The following DNAAF11 variants were observed in gnomAD, a reference collection of about 807,000 sequenced individuals.
DNAAF11 encodes dynein axonemal assembly factor 11, also known as leucine rich repeat containing 6.
DNAAF11 carries 45 observed loss-of-function variants against 60.8 expected under a neutral mutation model. The ratio of observed to expected loss-of-function variants is 0.74; its 90% CI spans 0.58 to 0.95. The LOEUF is 0.95. Ranked by LOEUF, DNAAF11 falls within the 40% of genes least tolerant of loss-of-function variation. The probability of loss-of-function intolerance (pLI) is 0.00; values close to 1 mark genes in which losing one functional copy is unlikely to be tolerated. For missense variants in DNAAF11, 546 were observed against 546.2 expected, an observed-to-expected ratio of 1.00 and a Z score of 0.00; for synonymous variants, 191 against 183.5, an observed-to-expected ratio of 1.04 and a Z score of -0.33.
chr8:132,615,005 T>C, intron 8 of DNAAF11, 33 bp downstream of exon 8: 2 of 1,401,650 alleles, frequency 1.4e-6, no homozygotes, highest in Non-Finnish European at 2.0e-6. Context: ...CAGACAGAAA[T>C]GTCATAAATA....
intron 11 of DNAAF11, among the ~76,000 whole-genome samples, chr8:132,572,742 C>T (rs1010628105): frequency 4.6e-5 from 7 of 151,248 alleles, no homozygotes; most frequent in African/African-American, 7.3e-5. Context: ...TTGGAGGAGA[C>T]GTCACCTGTG....
At chr8:132,573,639 A>G (rs1349085029) in intron 11 of DNAAF11, among the ~76,000 whole-genome samples, 6 of 152,234 alleles carry the variant, frequency 3.9e-5, no homozygotes, top group Admixed American at 3.9e-4. Flanking sequence ...AAAGAAAATC[A>G]CAGTCAATCA....
At chr8:132,636,107 T>A (rs1470881556) in intron 4 of DNAAF11, among the ~76,000 whole-genome samples, 1 of 151,922 alleles carries the variant, frequency 6.6e-6, no homozygotes, top group African/African-American at 2.4e-5. Flanking sequence ...AGGAAAATAA[T>A]ACATTTATTA....
chr8:132,629,412 A>G (rs978172073), intron 5 of DNAAF11, among the ~76,000 whole-genome samples: 3 of 150,956 alleles, frequency 2.0e-5, no homozygotes, highest in African/African-American at 4.9e-5. Flanking sequence ...CAGTGGCCCA[A>G]TCTCGGCTCA....
intron 3 of DNAAF11, among the ~76,000 whole-genome samples, chr8:132,651,341 G>T (rs917003548): frequency 2.6e-5 from 4 of 151,328 alleles, no homozygotes; most frequent in African/African-American, 9.7e-5. Flanking sequence ...AAAGCAAAAC[G>T]ATTTATTTTT....
intron 8 of DNAAF11, 100 bp downstream of exon 8, chr8:132,614,938 C>A: frequency 4.3e-6 from 3 of 692,490 alleles, no homozygotes; most frequent in South Asian, 4.0e-5. Context: ...AACTATAGGT[C>A]TAAGTCAATT....
chr8:132,621,404 CAG>C (rs1184631122), intron 7 of DNAAF11, among the ~76,000 whole-genome samples: 1 of 152,056 alleles, frequency 6.6e-6, no homozygotes, highest in East Asian at 1.9e-4. Context: ...AGGGGAGGAA[CAG>C]GGGATGATCA....
intron 10 of DNAAF11, among the ~76,000 whole-genome samples, chr8:132,605,445 C>T (rs919409691): frequency 3.9e-5 from 6 of 152,010 alleles, no homozygotes; most frequent in Admixed American, 6.6e-5. Flanking sequence ...TTAGGGGAGA[C>T]GCATGTTCTA....
chr8:132,625,941 C>G (rs1820228201), intron 5 of DNAAF11, among the ~76,000 whole-genome samples: 1 of 152,212 alleles, frequency 6.6e-6, no homozygotes, highest in African/African-American at 2.4e-5. Context: ...ACTCTCCACA[C>G]TACTTCCAGA....
the DNAAF11 span, among the ~76,000 whole-genome samples, chr8:132,699,456 A>G: frequency 2.6e-5 from 4 of 151,824 alleles, no homozygotes; most frequent in Non-Finnish European, 5.9e-5. Context: ...AAGGAAGCCA[A>G]GTGGCCTGAT....
chr8:132,702,523 C>T, the DNAAF11 span, among the ~76,000 whole-genome samples: 3 of 151,854 alleles, frequency 2.0e-5, no homozygotes, highest in South Asian at 4.2e-4. Flanking sequence ...GAAAAATTTC[C>T]GTTGTCCCAG....
chr8:132,650,652 T>C (rs1439216202), intron 3 of DNAAF11, among the ~76,000 whole-genome samples: 1 of 152,228 alleles, frequency 6.6e-6, no homozygotes, highest in Admixed American at 6.5e-5. Flanking sequence ...TCTATATCTC[T>C]ATGTTTCTAT....
intron 3 of DNAAF11, among the ~76,000 whole-genome samples, chr8:132,646,448 C>T (rs548888347): frequency 6.6e-4 from 101 of 152,302 alleles, no homozygotes; most frequent in African/African-American, 2.4e-3. Context: ...AAATAACCAG[C>T]TAACATCATA....
intron 2 of DNAAF11, among the ~76,000 whole-genome samples, chr8:132,660,732 T>C (rs922743429): frequency 6.6e-6 from 1 of 152,160 alleles, no homozygotes; most frequent in Non-Finnish European, 1.5e-5. Context: ...GTTTCTGGGA[T>C]CTTCCTGCCA....
intron 10 of DNAAF11, among the ~76,000 whole-genome samples, chr8:132,600,839 A>T (rs1256026118): frequency 5.3e-5 from 8 of 152,282 alleles, no homozygotes; most frequent in Admixed American, 3.3e-4. Context: ...AACCTAGGCA[A>T]TACCATTCAG....
At chr8:132,610,565 A>G (rs1818562812) in intron 9 of DNAAF11, among the ~76,000 whole-genome samples, 1 of 152,210 alleles carries the variant, frequency 6.6e-6, no homozygotes, top group Admixed American at 6.5e-5. Context: ...TCTTTAAGCT[A>G]ATCTTCAAGC....
At chr8:132,700,138 A>T in the DNAAF11 span, among the ~76,000 whole-genome samples, 931 of 152,308 alleles carry the variant, frequency 6.1e-3, 4 homozygotes, top group Non-Finnish European at 0.011. Flanking sequence ...TAAACTTCTT[A>T]AAGGCAAAAA....
At chr8:132,675,405 G>A (rs529151622) in intron 1 of DNAAF11, 79 bp downstream of exon 1, 2 of 1,463,698 alleles carry the variant, frequency 1.4e-6, no homozygotes, top group Non-Finnish European at 9.3e-7. Context: ...GGGCGGGAGC[G>A]GGCGGCGAGG....
At chr8:132,674,121 G>A (rs994490034) in intron 1 of DNAAF11, among the ~76,000 whole-genome samples, 240 of 99,484 alleles carry the variant, frequency 2.4e-3, no homozygotes, top group African/African-American at 8.6e-3. Flanking sequence ...GCAGGAGGAG[G>A]AGGAGGAGGA....
Sources: allele counts gnomAD v4.1 joint callset (sites outside exome capture counted in the v4.1 genomes callset), GRCh38; gene constraint gnomAD v4.1.1; transcripts MANE v1.5; gene names NCBI Gene and HGNC (gene_info 2026-07-23, HGNC 2026-07-21).